CLASP2: variants seen among roughly 807,000 people sequenced by gnomAD.
CLASP2 encodes the protein CLIP-associating protein 2.
A neutral mutation model predicts 194.4 loss-of-function variants in CLASP2; 47 were observed. The observed-to-expected ratio is 0.24, with a 90% CI of 0.19 to 0.31. The LOEUF (loss-of-function observed/expected upper bound fraction) is 0.31. Ranked by LOEUF, CLASP2 falls within the 10% of genes least tolerant of loss-of-function variation. The pLI, the probability that CLASP2 is intolerant of heterozygous loss-of-function variation, is 1.00. For missense variants in CLASP2, 1,445 were observed against 1,823.6 expected (o/e 0.79, Z 3.78); for synonymous variants, 619 against 633.5 (o/e 0.98, Z 0.34).
At chr3:33,706,687 T>A in intron 1 of CLASP2, among the ~76,000 whole-genome samples, 1 of 152,062 alleles carries the variant, frequency 6.6e-6, no homozygotes, top group East Asian at 1.9e-4. Flanking sequence ...CTAGGTCAGG[T>A]GTAGTGGCTC....
intron 5 of CLASP2, among the ~76,000 whole-genome samples, chr3:33,685,342 C>CAAAAAA (rs56240569): frequency 0.064 from 3,080 of 48,148 alleles, 466 homozygotes; most frequent in Non-Finnish European, 0.077. Flanking sequence ...AACTCCGTCT[C>CAAAAAA]AAAAAAAAAA....
At chr3:33,706,056 C>T (rs913637190) in intron 1 of CLASP2, among the ~76,000 whole-genome samples, 6 of 151,900 alleles carry the variant, frequency 3.9e-5, no homozygotes, top group Non-Finnish European at 8.8e-5. Flanking sequence ...AGTTTGATAC[C>T]GGCCTGCACA....
At chr3:33,498,916 A>G (rs2046178438) in intron 38 of CLASP2, among the ~76,000 whole-genome samples, 199 bp from the exon 39 acceptor site, 1 of 152,214 alleles carries the variant, frequency 6.6e-6, no homozygotes, top group South Asian at 2.1e-4. Context: ...AAAAAATATA[A>G]AAAGTCAAAA....
intron 12 of CLASP2, among the ~76,000 whole-genome samples, chr3:33,615,348 TTCTTGACAA>T (rs1208571990): frequency 1.3e-5 from 2 of 150,038 alleles, no homozygotes; most frequent in African/African-American, 4.9e-5. Flanking sequence ...AAAGGTTTTA[TTCTTGACAA>T]TAAGGAACTT....
chr3:33,709,584 TGG>T (rs960955145), intron 1 of CLASP2, among the ~76,000 whole-genome samples: 12 of 152,200 alleles, frequency 7.9e-5, no homozygotes, highest in African/African-American at 2.9e-4. Context: ...GCTTTGAAGA[TGG>T]AGAAAGACAC....
chr3:33,622,383 C>T (rs1333418735), intron 10 of CLASP2, 103 bp from the exon 11 acceptor site: 7 of 837,158 alleles, frequency 8.4e-6, no homozygotes, highest in Non-Finnish European at 1.2e-5. Context: ...ATAAATGAAA[C>T]ATATATAATG....
chr3:33,611,655 G>C (rs982175921), intron 13 of CLASP2, among the ~76,000 whole-genome samples: 3 of 152,086 alleles, frequency 2.0e-5, no homozygotes, highest in South Asian at 2.1e-4. Context: ...CAGGGACTAA[G>C]GTTCAGAGCA....
intron 6 of CLASP2, among the ~76,000 whole-genome samples, chr3:33,670,941 A>T (rs977372268): frequency 1.6e-4 from 25 of 152,196 alleles, no homozygotes; most frequent in African/African-American, 4.3e-4. Flanking sequence ...ACAATGTCTG[A>T]CCTTAAGTGA....
At chr3:33,577,243 G>T (rs1222047263) in intron 23 of CLASP2, 1 of 1,598,052 alleles carries the variant, frequency 6.3e-7, no homozygotes, top group Non-Finnish European at 8.5e-7. Flanking sequence ...GGCACCAGTT[G>T]ATCTGGAATG....
chr3:33,591,017 T>C (rs968255457), intron 21 of CLASP2, among the ~76,000 whole-genome samples: 2 of 149,754 alleles, frequency 1.3e-5, no homozygotes, highest in Non-Finnish European at 3.0e-5. Flanking sequence ...CCCACCTCTA[T>C]AAAAAAAAAT....
At chr3:33,545,739 G>A (rs1025331537) in intron 30 of CLASP2, among the ~76,000 whole-genome samples, 3 of 151,858 alleles carry the variant, frequency 2.0e-5, no homozygotes, top group African/African-American at 2.4e-5. Flanking sequence ...ATGAATCCCC[G>A]TCTCTACTAA....
At chr3:33,584,623 A>T in intron 22 of CLASP2, 127 bp downstream of exon 22, 1 of 891,420 alleles carries the variant, frequency 1.1e-6, no homozygotes, top group Non-Finnish European at 1.6e-6. Flanking sequence ...CAATTGTTGA[A>T]TTTTTAAGTT....
At chr3:33,550,128 G>C (rs1240489157) in intron 30 of CLASP2, among the ~76,000 whole-genome samples, 1 of 152,032 alleles carries the variant, frequency 6.6e-6, no homozygotes, top group Non-Finnish European at 1.5e-5. Context: ...AACAGGCTGG[G>C]TGCAGTGGCT....
intron 7 of CLASP2, 145 bp downstream of exon 7, chr3:33,663,299 AG>A (rs1184315882): frequency 6.5e-6 from 3 of 461,004 alleles, no homozygotes; most frequent in Non-Finnish European, 1.1e-5. Context: ...AATTATCAGC[AG>A]GATGTAAATA....
At chr3:33,616,734 CTTTTTTTT>C (rs958911625) in intron 12 of CLASP2, among the ~76,000 whole-genome samples, 1 of 95,356 alleles carries the variant, frequency 1.0e-5, no homozygotes. Flanking sequence ...ACTATACTTC[CTTTTTTTT>C]TTTTTTTTTT....
At position 33,625,835 on chromosome 3, in the gene CLASP2, T is replaced by C. The variant is rs139362859; in HGVS notation, c.1035+1153A>G. On this transcript the variant is annotated intron_variant, in intron 10 of 38. Coordinates refer to ENST00000682230, the MANE Select transcript of CLASP2 (RefSeq NM_001365631.1). ...CTTTAATAGGCAGGAAACTATTAAC[T>C]TTTTCTCTGTAGTTTTCTGCATTGT... is the stretch of plus-strand genomic sequence containing the variant. Among the ~76,000 whole-genome samples, 10 of 152,104 alleles carry C rather than the reference T, an allele frequency of 6.6e-5. No individual in the cohort carries two copies. The East Asian group carries it at 1.9e-3, about 29-fold the overall frequency.
intron 1 of CLASP2, among the ~76,000 whole-genome samples, chr3:33,700,784 A>C (rs1575686828): frequency 6.6e-6 from 1 of 152,240 alleles, no homozygotes; most frequent in East Asian, 1.9e-4. Flanking sequence ...TGGGAGGCAG[A>C]GGTTACAGTG....
At chr3:33,536,081 A>G (rs906225569) in intron 33 of CLASP2, among the ~76,000 whole-genome samples, 2 of 152,118 alleles carry the variant, frequency 1.3e-5, no homozygotes, top group Non-Finnish European at 2.9e-5. Context: ...ACCACCATCC[A>G]CTGGGCAACT....
At chr3:33,533,462 C>T (rs1379156127) in intron 34 of CLASP2, among the ~76,000 whole-genome samples, 1 of 152,112 alleles carries the variant, frequency 6.6e-6, no homozygotes, top group Non-Finnish European at 1.5e-5. Context: ...GAAGCTATTT[C>T]TTGTTAATAA....
Sources: gnomAD v4.1 joint callset for allele counts (sites outside exome capture counted in the v4.1 genomes callset) on GRCh38, gnomAD v4.1.1 for gene constraint, MANE v1.5 for transcripts, NCBI Gene and HGNC (gene_info 2026-07-23, HGNC 2026-07-21) for gene names.